Variants in SSBP2 observed in about 807,000 individuals in gnomAD.
The protein encoded by SSBP2 is single stranded DNA binding protein 2.
Under a neutral mutation model 61.8 loss-of-function variants are expected in SSBP2, and 17 were observed. That is an observed-to-expected ratio of 0.28 (90% CI 0.19 to 0.41). SSBP2 has a LOEUF of 0.41. Among genes scored for constraint, SSBP2 ranks in the 10% least tolerant of loss-of-function variants. The probability of loss-of-function intolerance (pLI) is 1.00; values close to 1 mark genes in which losing one functional copy is unlikely to be tolerated. For missense variants in SSBP2, 310 were observed against 458.7 expected, an observed-to-expected ratio of 0.68 and a Z score of 2.96; for synonymous variants, 139 against 141.3, an observed-to-expected ratio of 0.98 and a Z score of 0.12.
intron 4 of SSBP2, among the ~76,000 whole-genome samples, chr5:81,530,704 T>C (rs1770323053): frequency 6.6e-6 from 1 of 152,066 alleles, no homozygotes; most frequent in African/African-American, 2.4e-5. Flanking sequence ...TGAGTGTTTT[T>C]CTCTCCTTTG....
At chr5:81,494,686 T>C (rs1415036526) in intron 5 of SSBP2, among the ~76,000 whole-genome samples, 1 of 152,116 alleles carries the variant, frequency 6.6e-6, no homozygotes, top group African/African-American at 2.4e-5. Flanking sequence ...TTTCTGTTGA[T>C]TAAACTTCCT....
intron 5 of SSBP2, among the ~76,000 whole-genome samples, chr5:81,491,762 A>G (rs1766871096): frequency 6.6e-6 from 1 of 152,220 alleles, no homozygotes; most frequent in Non-Finnish European, 1.5e-5. Flanking sequence ...TCTTCACACA[A>G]TTAAAGCACA....
chr5:81,482,994 T>C (rs1408546891), intron 6 of SSBP2, among the ~76,000 whole-genome samples: 1 of 152,152 alleles, frequency 6.6e-6, no homozygotes, highest in African/African-American at 2.4e-5. Context: ...ATTTCAATAC[T>C]GTTGTGTCTC....
intron 6 of SSBP2, among the ~76,000 whole-genome samples, chr5:81,484,920 G>A (rs1254976840): frequency 6.6e-6 from 1 of 152,134 alleles, no homozygotes; most frequent in East Asian, 1.9e-4. Flanking sequence ...TGTTGACAGT[G>A]TTTCAGGAAT....
intron 4 of SSBP2, among the ~76,000 whole-genome samples, chr5:81,570,001 T>C (rs893120335): frequency 6.6e-6 from 1 of 152,102 alleles, no homozygotes; most frequent in Non-Finnish European, 1.5e-5. Context: ...CTTAAAAATA[T>C]TTAGAACTCT....
intron 1 of SSBP2, among the ~76,000 whole-genome samples, chr5:81,717,538 C>T (rs1203438444): frequency 1.3e-5 from 2 of 152,070 alleles, no homozygotes; most frequent in African/African-American, 4.8e-5. Context: ...ATTAACTTAC[C>T]TCTTGGCAAT....
At chr5:81,725,511 C>A (rs1755816463) in intron 1 of SSBP2, among the ~76,000 whole-genome samples, 1 of 152,056 alleles carries the variant, frequency 6.6e-6, no homozygotes, top group African/African-American at 2.4e-5. Context: ...AGATCCCACT[C>A]TGAAAAATCA....
At chr5:81,629,173 T>C (rs894859913) in intron 3 of SSBP2, among the ~76,000 whole-genome samples, 10 of 152,106 alleles carry the variant, frequency 6.6e-5, no homozygotes, top group African/African-American at 1.4e-4. Context: ...TCTTAGTAGA[T>C]GGGGTTTCAC....
intron 14 of SSBP2, among the ~76,000 whole-genome samples, chr5:81,439,358 A>T (rs1223907502): frequency 1.3e-5 from 2 of 152,202 alleles, no homozygotes; most frequent in African/African-American, 2.4e-5. Flanking sequence ...TGTGAATGCA[A>T]AACAAATATA....
rs558416146 is a variant in SSBP2, at chr5:81,570,910, T to G, written c.282+44563A>C. 5.3e-5 allele frequency among the ~76,000 whole-genome samples: 8 copies of G among 152,306 alleles called. No homozygotes were observed. In the East Asian group the frequency reaches 1.4e-3, roughly 26 times the overall value. On this transcript the variant is annotated intron_variant, in intron 4 of 16. Transcript: ENST00000320672. ...AAGTCCAATTATTCCTGCCTGAAAC[T>G]TCTGTCTTTTACTCCTACTGCTCTT... is the stretch of plus-strand genomic sequence containing the variant.
At chr5:81,466,886 A>G (rs1271520242) in intron 9 of SSBP2, 88 bp downstream of exon 9, 1 of 776,404 alleles carries the variant, frequency 1.3e-6, no homozygotes, top group Admixed American at 3.4e-5. Flanking sequence ...AAAATAGAAC[A>G]CTTTACTAAA....
intron 6 of SSBP2, among the ~76,000 whole-genome samples, chr5:81,486,979 TAGC>T (rs1368165088): frequency 6.6e-6 from 1 of 152,202 alleles, no homozygotes; most frequent in Non-Finnish European, 1.5e-5. Flanking sequence ...ACCTCAAAGA[TAGC>T]ATAATTTCAG....
chr5:81,455,702 G>C (rs527315424), intron 10 of SSBP2, among the ~76,000 whole-genome samples: 1 of 145,010 alleles, frequency 6.9e-6, no homozygotes. Flanking sequence ...TACTCATTAA[G>C]ATGAAATGAA....
At chr5:81,673,027 G>A (rs1261979850) in intron 1 of SSBP2, among the ~76,000 whole-genome samples, 4 of 151,896 alleles carry the variant, frequency 2.6e-5, no homozygotes, top group Admixed American at 6.6e-5. Context: ...TAGTAGAGAC[G>A]AGGTTTTGCC....
intron 16 of SSBP2, among the ~76,000 whole-genome samples, chr5:81,421,849 C>T (rs1001899354): frequency 2.0e-5 from 3 of 152,146 alleles, no homozygotes; most frequent in East Asian, 1.9e-4. Context: ...GCAATCAAGA[C>T]ACTAAATGTT....
intron 1 of SSBP2, among the ~76,000 whole-genome samples, chr5:81,688,023 G>T (rs1752947802): frequency 6.6e-6 from 1 of 152,144 alleles, no homozygotes; most frequent in East Asian, 1.9e-4. Flanking sequence ...TACCAGCTTG[G>T]CCACAGTAGG....
At position 81,615,893 on chromosome 5, in the gene SSBP2, A is replaced by C. The variant is rs576387472; in HGVS notation, c.198-336T>G. On this transcript the variant is annotated intron_variant, in intron 3 of 16. Transcript: ENST00000320672. ...TCACAATTTTCCCATGAAGAATAGAAACAGTAAATAATATCCTAATTTAAT... is the reference window on the plus strand; with the variant it reads ...TCACAATTTTCCCATGAAGAATAGACACAGTAAATAATATCCTAATTTAAT... Among the ~76,000 whole-genome samples, 5 of 152,368 alleles carry C rather than the reference A, an allele frequency of 3.3e-5. No individual in the cohort carries two copies. In the South Asian group the frequency reaches 1.0e-3, roughly 32 times the overall value.
chr5:81,593,312 A>G (rs548083015), intron 4 of SSBP2, among the ~76,000 whole-genome samples: 397 of 152,306 alleles, frequency 2.6e-3, no homozygotes, highest in African/African-American at 9.0e-3. Context: ...AAAGAACCGA[A>G]CAAAGCCTCC....
intron 1 of SSBP2, among the ~76,000 whole-genome samples, chr5:81,744,689 C>T (rs1241321909): frequency 6.6e-6 from 1 of 151,682 alleles, no homozygotes; most frequent in Admixed American, 6.6e-5. Flanking sequence ...ACATTATAGC[C>T]ATGAAGCAAA....
Sources: allele counts gnomAD v4.1 joint callset (sites outside exome capture counted in the v4.1 genomes callset), GRCh38; gene constraint gnomAD v4.1.1; transcripts MANE v1.5; gene names NCBI Gene and HGNC (gene_info 2026-07-23, HGNC 2026-07-21).